PTPRR: variants seen among roughly 807,000 people sequenced by gnomAD.
PTPRR encodes the protein protein tyrosine phosphatase receptor type R.
Under a neutral mutation model 77.2 loss-of-function variants are expected in PTPRR, and 38 were observed. That is an observed-to-expected ratio of 0.49 (90% confidence interval 0.38 to 0.65). The LOEUF (loss-of-function observed/expected upper bound fraction) is 0.65, where lower values mean the gene tolerates loss of function less well. PTPRR is among the 30% of genes least tolerant of loss of function. The probability of loss-of-function intolerance (pLI) is 0.00; values close to 1 mark genes in which losing one functional copy is unlikely to be tolerated. For synonymous variants in PTPRR, 299 were observed against 283.1 expected (o/e 1.06, Z -0.57); for missense variants, 744 against 799.2 (o/e 0.93, Z 0.83).
intron 6 of PTPRR, among the ~76,000 whole-genome samples, chr12:70,720,533 A>G (rs996561029): frequency 5.9e-5 from 8 of 136,724 alleles, no homozygotes; most frequent in East Asian, 4.3e-4. Flanking sequence ...TTTTTTTGAG[A>G]CAGGGTCTTG....
chr12:70,864,869 T>C (rs752531058), intron 2 of PTPRR, among the ~76,000 whole-genome samples: 1 of 152,176 alleles, frequency 6.6e-6, no homozygotes, highest in Non-Finnish European at 1.5e-5. Context: ...TAGAGTACAG[T>C]GGTGGGATCT....
At chr12:70,822,968 A>G (rs532210641) in intron 2 of PTPRR, among the ~76,000 whole-genome samples, 6 of 151,958 alleles carry the variant, frequency 3.9e-5, no homozygotes, top group African/African-American at 1.2e-4. Flanking sequence ...CTAAAGCCCA[A>G]TTAAAAAAAA....
At chr12:70,764,609 T>C in intron 3 of PTPRR, 56 bp downstream of exon 3, 1 of 1,435,796 alleles carries the variant, frequency 7.0e-7, no homozygotes, top group Non-Finnish European at 9.8e-7. Flanking sequence ...CTTTAGTGAT[T>C]AAAAAAACCA....
intron 10 of PTPRR, among the ~76,000 whole-genome samples, chr12:70,665,957 G>A (rs1456003012): frequency 6.6e-6 from 1 of 152,064 alleles, no homozygotes; most frequent in Non-Finnish European, 1.5e-5. Flanking sequence ...ACATGAGAGG[G>A]ATAGAATGGG....
chr12:70,851,811 A>G (rs1171372601), intron 2 of PTPRR, among the ~76,000 whole-genome samples: 3 of 152,248 alleles, frequency 2.0e-5, no homozygotes, highest in South Asian at 4.1e-4. Flanking sequence ...TGAAATGTGA[A>G]AAGAAGTACA....
At chr12:70,681,847 C>G (rs531861543) in intron 10 of PTPRR, among the ~76,000 whole-genome samples, 7 of 152,004 alleles carry the variant, frequency 4.6e-5, no homozygotes, top group African/African-American at 1.7e-4. Context: ...TATCATAGGG[C>G]GTTACCAACC....
chr12:70,684,603 A>G, intron 9 of PTPRR, 101 bp downstream of exon 9: 1 of 825,588 alleles, frequency 1.2e-6, no homozygotes, highest in Non-Finnish European at 1.9e-6. Context: ...CTTGCTGGTA[A>G]TCAAGTTAAA....
At chr12:70,821,587 C>T (rs1278259631) in intron 2 of PTPRR, among the ~76,000 whole-genome samples, 3 of 151,860 alleles carry the variant, frequency 2.0e-5, no homozygotes, top group Non-Finnish European at 4.4e-5. Context: ...TAAGAACTAG[C>T]AGAAAGGCTA....
In PTPRR at chr12:70,859,768, C is replaced by T. The variant is rs79256242; in HGVS notation, c.357+32911G>A. ...CCAAGATCCTGGCACTGGGTAAACA[C>T]GGACTTCTGTGGAAATCTTTTCTCC... On this transcript the variant is annotated intron_variant, in intron 2 of 13. Transcript: ENST00000283228. Among the ~76,000 whole-genome samples, 668 of 152,070 alleles carry T rather than the reference C, an allele frequency of 4.4e-3. 9 individuals carry two copies. Among genetic ancestry groups the T allele is most frequent in the African/African-American group, 0.015 (641 of 41,484 alleles).
At chr12:70,774,816 A>T (rs1565692391) in intron 2 of PTPRR, among the ~76,000 whole-genome samples, 1 of 152,240 alleles carries the variant, frequency 6.6e-6, no homozygotes, top group Non-Finnish European at 1.5e-5. Context: ...CAAAATAAAA[A>T]ATATATGACT....
chr12:70,820,738 T>C (rs1358893422), intron 2 of PTPRR, among the ~76,000 whole-genome samples: 1 of 152,176 alleles, frequency 6.6e-6, no homozygotes, highest in Non-Finnish European at 1.5e-5. Flanking sequence ...CCCCACTTGG[T>C]ATCTTATCAC....
intron 2 of PTPRR, among the ~76,000 whole-genome samples, chr12:70,800,336 T>C (rs1210408443): frequency 1.3e-5 from 2 of 151,386 alleles, no homozygotes; most frequent in Admixed American, 6.6e-5. Flanking sequence ...CAAAATGCGA[T>C]ATGGTATCAA....
At chr12:70,847,512 G>A (rs754466230) in intron 2 of PTPRR, among the ~76,000 whole-genome samples, 2 of 152,130 alleles carry the variant, frequency 1.3e-5, no homozygotes, top group Non-Finnish European at 2.9e-5. Context: ...TTTTGGGGCT[G>A]TGGATGTATA....
In PTPRR at chr12:70,853,033, G is replaced by A. The variant is rs143725407; in HGVS notation, c.357+39646C>T. The stretch of plus-strand genomic sequence containing the variant: ...GACTACCGTTCACGGGCCAGGGGCC[G>A]CCACACTTTATCTCATTTATTCCTC... On this transcript the variant is annotated intron_variant, in intron 2 of 13. Coordinates refer to ENST00000283228, the MANE Select transcript of PTPRR (RefSeq NM_002849.4). 4.3e-4 allele frequency among the ~76,000 whole-genome samples: 66 copies of A among 152,246 alleles called. No homozygotes were observed. The East Asian group carries it at 0.011, about 26-fold the overall frequency.
chr12:70,843,518 T>TTGC (rs1417914718), intron 2 of PTPRR, among the ~76,000 whole-genome samples: 2 of 152,144 alleles, frequency 1.3e-5, no homozygotes, highest in Non-Finnish European at 2.9e-5. Flanking sequence ...AACTCTCCAA[T>TTGC]TGCTCTGTAA....
intron 6 of PTPRR, among the ~76,000 whole-genome samples, chr12:70,732,561 TTTTG>T (rs1889698576): frequency 6.6e-6 from 1 of 152,130 alleles, no homozygotes; most frequent in Non-Finnish European, 1.5e-5. Context: ...TCCATTTTTT[TTTTG>T]TTTGTTTTCC....
At chr12:70,718,083 A>G (rs1182190450) in intron 6 of PTPRR, among the ~76,000 whole-genome samples, 1 of 152,194 alleles carries the variant, frequency 6.6e-6, no homozygotes, top group Non-Finnish European at 1.5e-5. Flanking sequence ...TCAAATACTA[A>G]CTGTCTGAAT....
At position 70,761,558 on chromosome 12, in the gene PTPRR, C is replaced by G; in HGVS notation, c.540G>C (p.Leu180=). The G allele has an allele frequency of 6.2e-7, 1 of 1,612,168 alleles. No individual in the cohort carries two copies. ...GTGAACGAAGAACTTCCTCAGAGGG[C>G]AGAGCATCAGAAATTCCTGTTTTTC... ...INRKTGISDA[L]PSEEVLRSLN... Residue 180 remains leucine, a synonymous_variant, in exon 4 of 14, where the codon CTG becomes CTC. Coordinates refer to ENST00000283228, the MANE Select transcript of PTPRR (RefSeq NM_002849.4).
At chr12:70,687,727 G>A (rs1490145011) in intron 8 of PTPRR, among the ~76,000 whole-genome samples, 4 of 152,224 alleles carry the variant, frequency 2.6e-5, no homozygotes, top group East Asian at 3.9e-4. Context: ...AGGACTGTTC[G>A]AATCAGGATA....
Sources: allele counts gnomAD v4.1 joint callset (sites outside exome capture counted in the v4.1 genomes callset), GRCh38; gene constraint gnomAD v4.1.1; transcripts MANE v1.5; gene names NCBI Gene and HGNC (gene_info 2026-07-23, HGNC 2026-07-21).